Variants in NFKBIZ observed in about 807,000 individuals in gnomAD.
NFKBIZ encodes NFKB inhibitor zeta.
NFKBIZ carries 19 observed loss-of-function variants against 76.8 expected under a neutral mutation model. The observed-to-expected ratio is 0.25, with a 90% CI of 0.17 to 0.36. The LOEUF (loss-of-function observed/expected upper bound fraction) is 0.36, where lower values mean the gene tolerates loss of function less well. Ranked by LOEUF, NFKBIZ falls within the 10% of genes least tolerant of loss-of-function variation. The pLI is 1.00. For synonymous variants in NFKBIZ, 368 were observed against 354.8 expected (o/e 1.04, Z -0.42); for missense variants, 829 against 910.9 (o/e 0.91, Z 1.16).
At chr3:101,847,999 G>C (rs904984898), upstream of NFKBIZ, among the ~76,000 whole-genome samples, 1 of 152,168 alleles carries the variant, frequency 6.6e-6, no homozygotes, top group Non-Finnish European at 1.5e-5. Context: ...CCAAAAGAGC[G>C]AGACCTGTGG....
At chr3:101,849,373 T>C (rs1942907101), upstream of NFKBIZ, 2 of 340,396 alleles carry the variant, frequency 5.9e-6, no homozygotes, top group Admixed American at 9.7e-5. Flanking sequence ...TGCCTCATCC[T>C]GTACATTTTA....
At chr3:101,836,066 C>T (rs1034885698) in intron 2 of NFKBIZ, among the ~76,000 whole-genome samples, 1 of 152,086 alleles carries the variant, frequency 6.6e-6, no homozygotes, top group African/African-American at 2.4e-5. Context: ...ATCTTTAATT[C>T]CTCTAGAGGT....
At chr3:101,852,345 A>C in intron 2 of NFKBIZ, 121 bp downstream of exon 2, 1 of 1,230,040 alleles carries the variant, frequency 8.1e-7, no homozygotes, top group South Asian at 1.4e-5. Context: ...ATAAGATGAC[A>C]AAGTCCATAG....
Position 101,855,190 on chromosome 3 carries a change from C to A in NFKBIZ, c.1572C>A (p.Gly524=). 6.2e-7 allele frequency: 1 copy of A among 1,610,626 alleles called. No homozygotes were observed. The highest frequency in any genetic ancestry group is 1.7e-5 in the Admixed American group (1 of 59,354). Residue 524 remains glycine, a synonymous_variant, in exon 7 of 12, where the codon GGC becomes GGA. Transcript: ENST00000326172. ...CTCTGCATGTGTGTGCTGAGAAGGG[C>A]CACTCCCAGGTGCTTCAGGTAAGAG... The part of the protein sequence containing the change: ...RTPLHVCAEK[G]HSQVLQAIQK...
At chr3:101,831,709 T>A (rs1942650424) in intron 2 of NFKBIZ, among the ~76,000 whole-genome samples, 1 of 151,966 alleles carries the variant, frequency 6.6e-6, no homozygotes, top group African/African-American at 2.4e-5. Context: ...AGCCCCTTCT[T>A]GGCTCACTGC....
chr3:101,844,639 A>G (rs1473968448), upstream of NFKBIZ, among the ~76,000 whole-genome samples: 1 of 152,254 alleles, frequency 6.6e-6, no homozygotes, highest in African/African-American at 2.4e-5. Context: ...TAACCGAAAT[A>G]GCAAGTCCAG....
intron 10 of NFKBIZ, 28 bp from the exon 11 acceptor site, chr3:101,857,264 G>T: frequency 1.9e-6 from 3 of 1,613,356 alleles, no homozygotes; most frequent in Non-Finnish European, 2.5e-6. Flanking sequence ...CCTTCCTGAT[G>T]TCTGATAATT....
chr3:101,852,720 A>G lies in NFKBIZ; in HGVS notation c.430-18A>G, dbSNP rs1156394109. ...AGTCATTTTGTATACACTAAATTGGAAACTTTTTTCTTTATAGACACAAGG... is the reference window on the plus strand; with the variant it reads ...AGTCATTTTGTATACACTAAATTGGGAACTTTTTTCTTTATAGACACAAGG... On this transcript the variant is annotated intron_variant, in intron 2 of 11. Coordinates refer to ENST00000326172, the MANE Select transcript of NFKBIZ (RefSeq NM_031419.4). The G allele has an allele frequency of 2.5e-6, 4 of 1,593,326 alleles. No homozygotes were observed. The highest frequency in any genetic ancestry group is 1.9e-4 in the Middle Eastern group (1 of 5,346).
In NFKBIZ at chr3:101,860,206, G is replaced by C. The variant is rs1329088440; in HGVS notation, c.*835G>C. 6.6e-6 allele frequency: 1 copy of C among 150,920 alleles called. No homozygotes were observed. The highest frequency in any genetic ancestry group is 1.5e-5 in the Non-Finnish European group (1 of 67,850). 9.3% of individuals were successfully genotyped at this position (150,920 alleles called of 1,614,324 possible). The stretch of plus-strand genomic sequence containing the variant: ...TTTTTTTTTTTTTTCTCCCGAGACA[G>C]GGTCTTGCTCTGGCGCCCAGGCTGG... On this transcript the variant is annotated 3_prime_UTR_variant, in exon 12 of 12. Coordinates refer to ENST00000326172, the MANE Select transcript of NFKBIZ (RefSeq NM_031419.4).
At position 101,849,685 on chromosome 3, in the gene NFKBIZ, G is replaced by A; in HGVS notation, c.57G>A (p.Ala19=). ...DSRGGEGLRD[A]AGGCGLMTSP... ...GCGGCGGAGAGGGGCTGCGGGACGC[G>A]GCGGGCGGCTGCGGCCTCATGACCA... is the stretch of plus-strand genomic sequence containing the variant. Residue 19 remains alanine (A), a synonymous_variant, in exon 1 of 12, where the codon GCG becomes GCA. Transcript: ENST00000326172. The A allele has an allele frequency of 7.2e-7, 1 of 1,392,058 alleles. No homozygotes were observed. Among genetic ancestry groups the A allele is most frequent in the South Asian group, 1.6e-5 (1 of 61,886 alleles). 86.2% of individuals were successfully genotyped at this position (1,392,058 alleles called of 1,614,324 possible).
chr3:101,853,573 A>G lies in NFKBIZ; in HGVS notation c.1047A>G (p.Glu349=). Residue 349 remains glutamate (E), a synonymous_variant, in exon 5 of 12, where the codon GAA becomes GAG. Coordinates refer to ENST00000326172, the MANE Select transcript of NFKBIZ (RefSeq NM_031419.4). ...TTTCCCTTCTTGGTGATCAAAGGGA[A>G]TCTGAGAATATTGCTAATCCCATGC... ...SLVSLLGDQR[E]SENIANPMQT... The G allele has an allele frequency of 6.2e-7, 1 of 1,614,234 alleles. No individual in the cohort carries two copies. Among genetic ancestry groups the G allele is most frequent in the African/African-American group, 1.3e-5 (1 of 75,062 alleles).
At chr3:101,836,262 T>C (rs1942719243) in intron 2 of NFKBIZ, among the ~76,000 whole-genome samples, 1 of 152,184 alleles carries the variant, frequency 6.6e-6, no homozygotes, top group Admixed American at 6.5e-5. Flanking sequence ...GTGGGTAAGA[T>C]TGCTCAGACT....
chr3:101,859,896 G>A lies in NFKBIZ; in HGVS notation c.*525G>A, dbSNP rs1943108758. 6.6e-6 allele frequency: 1 copy of A among 152,336 alleles called. No individual in the cohort carries two copies. Among genetic ancestry groups the A allele is most frequent in the South Asian group, 2.1e-4 (1 of 4,842 alleles). The allele number at this position is 152,336 out of a possible 1,614,324, so 9.4% of individuals were successfully genotyped here. On this transcript the variant is annotated 3_prime_UTR_variant, in exon 12 of 12. Transcript: ENST00000326172. ...TGATCTTTGCAAACTGTATATAATTGTTATTTTTGTCCTTAAAAATATTGT... is the reference window on the plus strand; with the variant it reads ...TGATCTTTGCAAACTGTATATAATTATTATTTTTGTCCTTAAAAATATTGT...
chr3:101,854,963 T>C, intron 6 of NFKBIZ, 99 bp from the exon 7 acceptor site: 2 of 1,292,292 alleles, frequency 1.5e-6, no homozygotes. Flanking sequence ...ATTTATTTTC[T>C]CTCTGTGGGT....
At chr3:101,850,872 A>G (rs1942947526) in intron 1 of NFKBIZ, among the ~76,000 whole-genome samples, 1 of 152,198 alleles carries the variant, frequency 6.6e-6, no homozygotes, top group African/African-American at 2.4e-5. Context: ...TGTGTTTAGG[A>G]CCTTTTCTTA....
intron 2 of NFKBIZ, among the ~76,000 whole-genome samples, chr3:101,837,279 C>T (rs565623307): frequency 3.5e-4 from 54 of 152,196 alleles, no homozygotes; most frequent in African/African-American, 1.3e-3. Context: ...GCTTTTCTTT[C>T]TCACTAGTCT....
intron 7 of NFKBIZ, 46 bp from the exon 8 acceptor site, chr3:101,855,349 T>C (rs1306281285): frequency 5.0e-6 from 8 of 1,609,072 alleles, no homozygotes; most frequent in Non-Finnish European, 6.8e-6. Context: ...AATAGGTATA[T>C]GCGCAGCTTA....
At chr3:101,845,582 G>A (rs1441323197), upstream of NFKBIZ, among the ~76,000 whole-genome samples, 3 of 152,060 alleles carry the variant, frequency 2.0e-5, no homozygotes, top group Non-Finnish European at 4.4e-5. Flanking sequence ...GATTACAGGC[G>A]TGAGCCACTG....
At chr3:101,857,024 A>G in intron 9 of NFKBIZ, 49 bp from the exon 10 acceptor site, 1 of 1,315,230 alleles carries the variant, frequency 7.6e-7, no homozygotes, top group Non-Finnish European at 1.1e-6. Context: ...TCTGAGGCAT[A>G]GTATCTGGAT....
Sources: gnomAD v4.1 joint callset for allele counts (sites outside exome capture counted in the v4.1 genomes callset) on GRCh38, gnomAD v4.1.1 for gene constraint, MANE v1.5 for transcripts, NCBI Gene and HGNC (gene_info 2026-07-23, HGNC 2026-07-21) for gene names.